TSC22D1: variants seen among roughly 807,000 people sequenced by gnomAD.
The protein encoded by TSC22D1 is TSC22 domain family protein 1.
A neutral mutation model predicts 74.2 loss-of-function variants in TSC22D1; 9 were observed. The ratio of observed to expected loss-of-function variants is 0.12; its 90% CI spans 0.07 to 0.21. The LOEUF (loss-of-function observed/expected upper bound fraction) is 0.21. Among genes scored for constraint, TSC22D1 ranks in the 10% least tolerant of loss-of-function variants. The probability of loss-of-function intolerance (pLI) is 1.00; values close to 1 mark genes in which losing one functional copy is unlikely to be tolerated. For synonymous variants in TSC22D1, 586 were observed against 492.5 expected (o/e 1.19, Z -2.51); for missense variants, 1,427 against 1,304.7 (o/e 1.09, Z -1.44).
At position 44,516,254 on chromosome 13, in the gene TSC22D1, G is replaced by A. The variant is rs912837181; in HGVS notation, c.2912+56909C>T. ...CATTAGTTTACTTGAGACTTTGGGG[G>A]CACTAGAAATTGACGCTGAATGGTG... On this transcript the variant is annotated intron_variant, in intron 1 of 2. Transcript: ENST00000458659. The A allele has an allele frequency of 5.0e-5, 19 of 382,730 alleles. No homozygotes were observed. The East Asian group carries it at 1.0e-3, about 21-fold the overall frequency. 23.7% of individuals were successfully genotyped at this position (382,730 alleles called of 1,614,324 possible).
At chr13:44,456,269 G>T (rs1246999974) in intron 1 of TSC22D1, among the ~76,000 whole-genome samples, 1 of 152,196 alleles carries the variant, frequency 6.6e-6, no homozygotes, top group East Asian at 1.9e-4. Flanking sequence ...GCTGCTGCTG[G>T]CTGGAGTAGC....
At chr13:44,527,597 G>A (rs1445004481) in intron 1 of TSC22D1, among the ~76,000 whole-genome samples, 1 of 152,044 alleles carries the variant, frequency 6.6e-6, no homozygotes, top group Non-Finnish European at 1.5e-5. Context: ...AGAGAAGGCA[G>A]AAAAAGAGTG....
intron 1 of TSC22D1, among the ~76,000 whole-genome samples, chr13:44,543,706 A>C (rs958973889): frequency 6.6e-6 from 1 of 152,252 alleles, no homozygotes; most frequent in Non-Finnish European, 1.5e-5. Context: ...TGATCAAAAA[A>C]CAAAGGAGAA....
chr13:44,549,912 A>G, intron 1 of TSC22D1, among the ~76,000 whole-genome samples: 1 of 152,174 alleles, frequency 6.6e-6, no homozygotes, highest in East Asian at 1.9e-4. Flanking sequence ...AAAAATTTTA[A>G]ATGTCCAACA....
chr13:44,498,088 C>CA (rs200788733), intron 1 of TSC22D1, among the ~76,000 whole-genome samples: 1,289 of 124,938 alleles, frequency 0.01, 6 homozygotes, highest in Middle Eastern at 0.023. Flanking sequence ...ATGATAAAAC[C>CA]AAAAAAAAAA....
intron 1 of TSC22D1, among the ~76,000 whole-genome samples, chr13:44,480,089 T>TAAG (rs113655376): frequency 0.11 from 17,496 of 152,194 alleles, 1,037 homozygotes; most frequent in Non-Finnish European, 0.13. Flanking sequence ...ACAAGACTGA[T>TAAG]AAGTTTGGAT....
intron 1 of TSC22D1, among the ~76,000 whole-genome samples, chr13:44,499,459 G>C (rs1027723189): frequency 2.0e-5 from 3 of 152,074 alleles, no homozygotes; most frequent in Admixed American, 2.0e-4. Flanking sequence ...ACACATTAAA[G>C]TGTTTTGTTA....
intron 1 of TSC22D1, among the ~76,000 whole-genome samples, chr13:44,463,907 A>G (rs1195176906): frequency 6.6e-6 from 1 of 152,186 alleles, no homozygotes; most frequent in Admixed American, 6.5e-5. Flanking sequence ...TGGCCTATGG[A>G]GAGTTCCACA....
chr13:44,447,818 G>C (rs1595083888), intron 1 of TSC22D1, among the ~76,000 whole-genome samples: 4 of 142,752 alleles, frequency 2.8e-5, no homozygotes, highest in Middle Eastern at 3.9e-3. Context: ...ATGCTAAGAA[G>C]ACCCAATGCC....
intron 1 of TSC22D1, among the ~76,000 whole-genome samples, chr13:44,529,042 T>A (rs1485171182): frequency 6.6e-6 from 1 of 152,110 alleles, no homozygotes; most frequent in Non-Finnish European, 1.5e-5. Context: ...CAATTCTCTA[T>A]AATCTCTTTA....
At position 44,477,369 on chromosome 13, in the gene TSC22D1, T is replaced by C. The variant is rs145136260; in HGVS notation, c.2913-41274A>G. On this transcript the variant is annotated intron_variant, in intron 1 of 2. Coordinates refer to ENST00000458659, the MANE Select transcript of TSC22D1 (RefSeq NM_183422.4). ...GTTGCATGGATCTTCCCAGATGGAA[T>C]ATATTTAACAATAAAATACAATCAC... is the stretch of plus-strand genomic sequence containing the variant. Among the ~76,000 whole-genome samples the C allele has an allele frequency of 7.7e-3, 1,178 of 152,336 alleles. 13 individuals are homozygous for C. The highest frequency in any genetic ancestry group is 0.023 in the African/African-American group (972 of 41,588).
In TSC22D1 at chr13:44,432,479, C is replaced by T. The variant is rs1277794848; in HGVS notation, c.*2147G>A. 2 of 152,152 alleles carry T rather than the reference C, an allele frequency of 1.3e-5. No homozygotes were observed. The highest frequency in any genetic ancestry group is 4.8e-5 in the African/African-American group (2 of 41,436). The allele number at this position is 152,152 out of a possible 1,614,324, so 9.4% of individuals were successfully genotyped here. A position where few individuals can be genotyped will look rare whatever the true frequency, so the allele number is the denominator to read the frequency against. On this transcript the variant is annotated 3_prime_UTR_variant, in exon 3 of 3. Coordinates refer to ENST00000458659, the MANE Select transcript of TSC22D1 (RefSeq NM_183422.4). ...CAACAAGCCAATATGAAAGATTTTT[C>T]TTTACGTCCTTTTCAAATTCCCCCA...
chr13:44,530,117 G>A (rs868699213), intron 1 of TSC22D1, among the ~76,000 whole-genome samples: 1 of 151,998 alleles, frequency 6.6e-6, no homozygotes, highest in Non-Finnish European at 1.5e-5. Context: ...ACACGATACC[G>A]AAGAACCAAG....
intron 1 of TSC22D1, chr13:44,538,192 T>C (rs1020679003): frequency 1.0e-6 from 1 of 985,172 alleles, no homozygotes; most frequent in Non-Finnish European, 1.2e-6. Context: ...ATGAAAAAAA[T>C]ACCTCAAGTT....
chr13:44,436,708 G>A lies in TSC22D1; in HGVS notation c.2913-613C>T, dbSNP rs892767988. ...TGTATAAGCTAGATAAAATCTTCTG[G>A]CTTTCCGCAGCCCAGGGAGAAACAG... On this transcript the variant is annotated intron_variant, in intron 1 of 2. Coordinates refer to ENST00000458659, the MANE Select transcript of TSC22D1 (RefSeq NM_183422.4). The A allele has an allele frequency of 6.6e-6, 10 of 1,512,158 alleles. No homozygotes were observed. The highest frequency in any genetic ancestry group is 8.8e-6 in the Non-Finnish European group (10 of 1,134,518). 93.7% of individuals were successfully genotyped at this position (1,512,158 alleles called of 1,614,324 possible). A position where few individuals can be genotyped will look rare whatever the true frequency, so the allele number is the denominator to read the frequency against.
chr13:44,541,336 C>G (rs1223923124), intron 1 of TSC22D1, among the ~76,000 whole-genome samples: 1 of 152,272 alleles, frequency 6.6e-6, no homozygotes, highest in East Asian at 1.9e-4. Flanking sequence ...AATGAGCTAA[C>G]CCTTCTGCAC....
intron 1 of TSC22D1, among the ~76,000 whole-genome samples, chr13:44,507,001 G>T (rs758348193): frequency 6.6e-6 from 1 of 152,172 alleles, no homozygotes; most frequent in Non-Finnish European, 1.5e-5. Context: ...TTAGCCTGGA[G>T]TACTGGAAAA....
intron 1 of TSC22D1, among the ~76,000 whole-genome samples, chr13:44,564,426 T>C (rs559371534): frequency 8.5e-5 from 13 of 152,308 alleles, no homozygotes; most frequent in African/African-American, 2.9e-4. Context: ...TAAGTTTAGA[T>C]TGGTACGTCA....
chr13:44,507,112 T>G (rs961998614), intron 1 of TSC22D1, among the ~76,000 whole-genome samples: 1 of 152,126 alleles, frequency 6.6e-6, no homozygotes, highest in Non-Finnish European at 1.5e-5. Flanking sequence ...AGGCCCAGGT[T>G]GAAGATAAAG....
Sources: gnomAD v4.1 joint callset for allele counts (sites outside exome capture counted in the v4.1 genomes callset) on GRCh38, gnomAD v4.1.1 for gene constraint, MANE v1.5 for transcripts, NCBI Gene and HGNC (gene_info 2026-07-23, HGNC 2026-07-21) for gene names.